FETUB: variants seen among roughly 807,000 people sequenced by gnomAD.
FETUB encodes fetuin B.
A neutral mutation model predicts 30.9 loss-of-function variants in FETUB; 28 were observed. That is an observed-to-expected ratio of 0.90 (90% CI 0.67 to 1.24). FETUB has a LOEUF of 1.24. FETUB is among the 50% of genes most tolerant of loss of function. The pLI is 0.00. For synonymous variants in FETUB, 186 were observed against 175.9 expected (o/e 1.06, Z -0.45); for missense variants, 469 against 455.3 (o/e 1.03, Z -0.27).
rs547025083 is a variant in FETUB at position 186,652,694 on chromosome 3, G to A, written c.*63G>A. The A allele has an allele frequency of 1.2e-5, 18 of 1,521,964 alleles. No homozygotes were observed. Among genetic ancestry groups the A allele is most frequent in the South Asian group, 2.6e-5 (2 of 76,746 alleles). The allele number at this position is 1,521,964 out of a possible 1,614,324, so 94.3% of individuals were successfully genotyped here. ...GCATGACATGGGAGGCGATGGGGACGATGGACAGAGACAGAGCGTGCACAC... is the reference window on the plus strand; with the variant it reads ...GCATGACATGGGAGGCGATGGGGACAATGGACAGAGACAGAGCGTGCACAC... On this transcript the variant is annotated 3_prime_UTR_variant, in exon 7 of 7. Coordinates refer to ENST00000265029, the MANE Select transcript of FETUB (RefSeq NM_014375.3).
upstream of FETUB, chr3:186,636,112 G>C (rs1436369565): frequency 6.6e-6 from 1 of 152,224 alleles, no homozygotes; most frequent in African/African-American, 2.4e-5. Context: ...ACAACTCTGG[G>C]TCCTCAGGAA....
chr3:186,650,330 CT>C (rs1445202378), intron 5 of FETUB, among the ~76,000 whole-genome samples: 2 of 151,998 alleles, frequency 1.3e-5, no homozygotes, highest in Non-Finnish European at 2.9e-5. Context: ...TCTATTTATG[CT>C]TGAAAATGTA....
At position 186,641,058 on chromosome 3, in the gene FETUB, C is replaced by T. The variant is rs1193387243; in HGVS notation, c.254C>T (p.Thr85Ile). The change falls in exon 2 of 7, where the codon ACA becomes ATA. Residue 85 changes from threonine to isoleucine, a missense_variant. By Grantham distance (89) the Thr-to-Ile change is moderately conservative (BLOSUM62 -1). Coordinates refer to ENST00000265029, the MANE Select transcript of FETUB (RefSeq NM_014375.3). ...RGGLGSLFYL[T>I]LDVLETDCHV... ...GGCCTGGGATCTCTGTTCTATCTTA[C>T]ACTGGATGTGCTAGAGACTGACTGC... 1 of 1,613,602 alleles carries T rather than the reference C, an allele frequency of 6.2e-7. No individual in the cohort carries two copies. The highest frequency in any genetic ancestry group is 2.2e-5 in the East Asian group (1 of 44,884).
At chr3:186,651,541 G>T in intron 6 of FETUB, 1 of 501,362 alleles carries the variant, frequency 2.0e-6, no homozygotes, top group Non-Finnish European at 3.6e-6. Context: ...CTGCTGGCTT[G>T]GATGTGATTC....
At chr3:186,638,868 C>A (rs985301427), upstream of FETUB, among the ~76,000 whole-genome samples, 3 of 152,108 alleles carry the variant, frequency 2.0e-5, no homozygotes, top group Non-Finnish European at 2.9e-5. Flanking sequence ...TTGTTGTGCC[C>A]CAGAATCTGA....
intron 3 of FETUB, among the ~76,000 whole-genome samples, chr3:186,644,217 C>T (rs897556214): frequency 2.0e-5 from 3 of 152,132 alleles, no homozygotes; most frequent in Admixed American, 6.6e-5. Context: ...AATTTATCCC[C>T]CTATCTAGCT....
chr3:186,647,863 T>A (rs973607113), intron 5 of FETUB, among the ~76,000 whole-genome samples: 19 of 152,150 alleles, frequency 1.2e-4, no homozygotes, highest in African/African-American at 3.9e-4. Flanking sequence ...TTATATATAT[T>A]TTTTCTTATT....
intron 3 of FETUB, 42 bp downstream of exon 3, chr3:186,642,600 G>A (rs1478850837): frequency 2.5e-6 from 3 of 1,208,244 alleles, no homozygotes; most frequent in Non-Finnish European, 3.7e-6. Flanking sequence ...ATAAAGGATG[G>A]AAAAGAGTAC....
At chr3:186,651,484 G>A (rs553066396) in intron 6 of FETUB, 183 bp downstream of exon 6, 44 of 590,618 alleles carry the variant, frequency 7.4e-5, no homozygotes, top group East Asian at 5.8e-4. Flanking sequence ...TGTTTCAGTC[G>A]CAATATGGTC....
At chr3:186,645,843 C>T (rs1192418344) in intron 4 of FETUB, among the ~76,000 whole-genome samples, 2 of 148,994 alleles carry the variant, frequency 1.3e-5, no homozygotes, top group Non-Finnish European at 1.5e-5. Context: ...TCTCCTGCCT[C>T]TGCCTCCCGA....
Position 186,642,580 on chromosome 3 carries a change from G to C in FETUB, c.424+22G>C, listed in dbSNP as rs770012922. 2.1e-6 allele frequency: 3 copies of C among 1,431,166 alleles called. No homozygotes were observed. The South Asian group carries it at 3.5e-5, about 17-fold the overall frequency. 88.7% of individuals were successfully genotyped at this position (1,431,166 alleles called of 1,614,324 possible). A position where few individuals can be genotyped will look rare whatever the true frequency, so the allele number is the denominator to read the frequency against. ...CCAGGTAAGAAATCACTACGATTTTGTTAGTTTTAATAAAGGATGGAAAAG... is the reference window on the plus strand; with the variant it reads ...CCAGGTAAGAAATCACTACGATTTTCTTAGTTTTAATAAAGGATGGAAAAG... On this transcript the variant is annotated intron_variant, in intron 3 of 6. Coordinates refer to ENST00000265029, the MANE Select transcript of FETUB (RefSeq NM_014375.3).
Position 186,642,562 on chromosome 3 carries a change from A to C in FETUB, c.424+4A>C. ...TATAACTGTACTCTTCGCCCAGGTA[A>C]GAAATCACTACGATTTTGTTAGTTT... is the stretch of plus-strand genomic sequence containing the variant. On this transcript the variant is annotated splice_donor_region_variant and intron_variant, in intron 3 of 6. Transcript: ENST00000265029. 6.5e-7 allele frequency: 1 copy of C among 1,545,160 alleles called. No homozygotes were observed. The highest frequency in any genetic ancestry group is 8.9e-7 in the Non-Finnish European group (1 of 1,119,300).
intron 1 of FETUB, 116 bp downstream of exon 1, chr3:186,640,801 C>A (rs1007544088): frequency 1.3e-5 from 11 of 859,712 alleles, no homozygotes; most frequent in Non-Finnish European, 2.1e-5. Context: ...GAAGCCCTGC[C>A]GAGAACTCTC....
Position 186,642,499 on chromosome 3 carries a change from A to G in FETUB, c.365A>G (p.Tyr122Cys), listed in dbSNP as rs930715187. The G allele has an allele frequency of 1.9e-6, 3 of 1,609,884 alleles. No homozygotes were observed. Among genetic ancestry groups the G allele is most frequent in the Non-Finnish European group, 2.5e-6 (3 of 1,176,586 alleles). The change falls in exon 3 of 7, where the codon TAT (tyrosine) becomes TGT (cysteine). Residue 122 changes from tyrosine (Y) to cysteine (C), a missense_variant. Coordinates refer to ENST00000265029, the MANE Select transcript of FETUB (RefSeq NM_014375.3). ...TATGGTCAATGCAAAGCAATATTTTATATGAACAACCCAAGTAGAGTTCTC... is the reference window on the plus strand; with the variant it reads ...TATGGTCAATGCAAAGCAATATTTTGTATGAACAACCCAAGTAGAGTTCTC... Reference protein sequence around the residue: ...SVYGQCKAIFYMNNPSRVLYL... With the variant: ...SVYGQCKAIFCMNNPSRVLYL...
At chr3:186,651,920 C>G (rs368356758) in intron 6 of FETUB, 1 of 184,046 alleles carries the variant, frequency 5.4e-6, no homozygotes. Context: ...TGTACAAGGC[C>G]TGGTGCAGAA....
chr3:186,644,237 T>C (rs1021366611), intron 3 of FETUB, among the ~76,000 whole-genome samples: 2 of 152,208 alleles, frequency 1.3e-5, no homozygotes, highest in African/African-American at 2.4e-5. Context: ...TGTAATTTTG[T>C]ATCCTTTGAC....
rs141545626 is a variant in FETUB, at chr3:186,652,484, C to T, written c.1002C>T (p.Pro334=). ...TGCATCTGGACCTAACCACGAATCC[C>T]CAGGGAGAAACCCTGGATATTTCCT... The part of the protein sequence containing the change: ...FPVHLDLTTN[P]QGETLDISFL... Residue 334 remains proline (P), a synonymous_variant, in exon 7 of 7, where the codon CCC becomes CCT. Transcript: ENST00000265029. The T allele has an allele frequency of 2.9e-4, 464 of 1,614,042 alleles. No homozygotes were observed. The highest frequency in any genetic ancestry group is 3.8e-4 in the Non-Finnish European group (445 of 1,180,032).
At chr3:186,647,719 T>C (rs964837320) in intron 5 of FETUB, among the ~76,000 whole-genome samples, 14 of 152,200 alleles carry the variant, frequency 9.2e-5, no homozygotes, top group Admixed American at 3.9e-4. Context: ...TAAGAGTCTT[T>C]ACATATTCTA....
At position 186,642,397 on chromosome 3, in the gene FETUB, AC is replaced by A. The variant is rs1717137638; in HGVS notation, c.337-73del. 3 of 852,736 alleles carry A rather than the reference AC, an allele frequency of 3.5e-6. No individual in the cohort carries two copies. The South Asian group carries it at 4.4e-5, about 12-fold the overall frequency. The allele number at this position is 852,736 out of a possible 1,614,324, so 52.8% of individuals were successfully genotyped here. ...TAACTACTTTAAAAGAAAATGTCTG[AC>A]TTTAATTTTGGAGGTATTTTAAAAG... is the stretch of plus-strand genomic sequence containing the variant. On this transcript the variant is annotated intron_variant, in intron 2 of 6. Transcript: ENST00000265029.
Sources: gnomAD v4.1 joint callset for allele counts (sites outside exome capture counted in the v4.1 genomes callset) on GRCh38, gnomAD v4.1.1 for gene constraint, MANE v1.5 for transcripts, NCBI Gene and HGNC (gene_info 2026-07-23, HGNC 2026-07-21) for gene names.